Variants in RASSF2 observed in about 807,000 individuals in gnomAD.
The protein encoded by RASSF2 is Ras association domain family member 2, also known as ras association domain-containing protein 2.
Under a neutral mutation model 46.3 loss-of-function variants are expected in RASSF2, and 34 were observed. That is an observed-to-expected ratio of 0.73 (90% CI 0.56 to 0.98). The LOEUF is 0.98. Ranked by LOEUF, RASSF2 falls within the 50% of genes least tolerant of loss-of-function variation. RASSF2 has a pLI of 0.00. For missense variants in RASSF2, 364 were observed against 431.2 expected (o/e 0.84, Z 1.38); for synonymous variants, 158 against 162.5 (o/e 0.97, Z 0.21).
chr20:4,790,580 G>A lies in RASSF2; in HGVS notation c.408C>T (p.Asp136=). ...DSRGLKPLQE[D]TPQLMRTRSD... Reference sequence around the variant, plus strand: ...TGCGTGTGCGCATCAGCTGTGGGGTGTCCTCCTGCAGGGGCTTCAGGCCCC... The same window carrying A: ...TGCGTGTGCGCATCAGCTGTGGGGTATCCTCCTGCAGGGGCTTCAGGCCCC... Residue 136 remains aspartate, a synonymous_variant, in exon 7 of 12, where the codon GAC becomes GAT. Transcript: ENST00000379400. This position sits in a 1 kb window ranked among gnomAD's most constrained non-coding sequence, Gnocchi z 4.3. 6.5e-7 allele frequency: 1 copy of A among 1,532,776 alleles called. No individual in the cohort carries two copies. Among genetic ancestry groups the A allele is most frequent in the Non-Finnish European group, 8.7e-7 (1 of 1,149,812 alleles). 94.9% of individuals were successfully genotyped at this position (1,532,776 alleles called of 1,614,324 possible).
At chr20:4,796,723 T>G (rs1007508706) in intron 4 of RASSF2, among the ~76,000 whole-genome samples, 1 of 152,266 alleles carries the variant, frequency 6.6e-6, no homozygotes, top group Non-Finnish European at 1.5e-5. Context: ...GACTCGCTTA[T>G]GACTATGAAA....
chr20:4,822,775 T>C (rs1928791891), intron 1 of RASSF2, among the ~76,000 whole-genome samples: 1 of 152,158 alleles, frequency 6.6e-6, no homozygotes, highest in Non-Finnish European at 1.5e-5. Context: ...TGCGCCCCTC[T>C]GAAGCGCGCC....
In RASSF2 at chr20:4,801,020, C is replaced by T. The variant is rs1926822325; in HGVS notation, c.11G>A (p.Ser4Asn). Reference sequence around the variant, plus strand: ...ACATGGGACTAGGGACGTTTGGTGGCTGTAGTCCATTCTTCCTTTCTCTTT... The same window carrying T: ...ACATGGGACTAGGGACGTTTGGTGGTTGTAGTCCATTCTTCCTTTCTCTTT... The part of the protein sequence containing the change: MDY[S>N]HQTSLVPCGQ... Residue 4 changes from serine to asparagine, a missense_variant, in exon 3 of 12, where the codon AGC becomes AAC. Coordinates refer to ENST00000379400, the MANE Select transcript of RASSF2 (RefSeq NM_014737.3). The T allele has an allele frequency of 6.2e-7, 1 of 1,613,946 alleles. No homozygotes were observed. The highest frequency in any genetic ancestry group is 8.5e-7 in the Non-Finnish European group (1 of 1,179,758).
intron 2 of RASSF2, among the ~76,000 whole-genome samples, chr20:4,805,024 C>CGA: frequency 6.6e-6 from 1 of 152,058 alleles, no homozygotes. Flanking sequence ...CGGAGCTGTG[C>CGA]GAGATGGGGT....
intron 2 of RASSF2, among the ~76,000 whole-genome samples, chr20:4,816,693 G>C (rs972436330): frequency 6.6e-6 from 1 of 152,048 alleles, no homozygotes; most frequent in Non-Finnish European, 1.5e-5. Flanking sequence ...TCGAAATCTC[G>C]CAAACCTCCA....
intron 6 of RASSF2, among the ~76,000 whole-genome samples, chr20:4,791,729 G>A (rs530298251): frequency 2.6e-5 from 4 of 152,296 alleles, no homozygotes; most frequent in Admixed American, 1.3e-4. Flanking sequence ...GTATAAGGCC[G>A]CCGACTGCAA....
At position 4,784,228 on chromosome 20, in the gene RASSF2, G is replaced by T. The variant is rs757197801; in HGVS notation, c.*45C>A. ...GCCTAGCTTCCTGGGGGTCTTATGGGCAATGGCGGTTCCTGGGGTGCCCAG... is the reference window on the plus strand; with the variant it reads ...GCCTAGCTTCCTGGGGGTCTTATGGTCAATGGCGGTTCCTGGGGTGCCCAG... On this transcript the variant is annotated 3_prime_UTR_variant, in exon 12 of 12. Coordinates refer to ENST00000379400, the MANE Select transcript of RASSF2 (RefSeq NM_014737.3). The T allele has an allele frequency of 6.4e-7, 1 of 1,556,340 alleles. No individual in the cohort carries two copies. Among genetic ancestry groups the T allele is most frequent in the South Asian group, 1.1e-5 (1 of 89,914 alleles).
At chr20:4,804,015 G>T (rs917813923) in intron 2 of RASSF2, among the ~76,000 whole-genome samples, 14 of 148,654 alleles carry the variant, frequency 9.4e-5, no homozygotes, top group African/African-American at 3.5e-4. Flanking sequence ...CCACAATCAC[G>T]CCACTGCACT....
chr20:4,792,015 C>T (rs962475379), intron 6 of RASSF2, among the ~76,000 whole-genome samples: 95 of 152,044 alleles, frequency 6.2e-4, no homozygotes, highest in African/African-American at 1.8e-3. Flanking sequence ...TTTTGGGAGG[C>T]TGAGGCGGGC....
At chr20:4,787,803 T>G in intron 9 of RASSF2, 49 bp from the exon 10 acceptor site, 4 of 1,598,028 alleles carry the variant, frequency 2.5e-6, no homozygotes, top group Non-Finnish European at 3.4e-6. Flanking sequence ...TTTCTCACAT[T>G]AAGTAGTGGT....
intron 5 of RASSF2, among the ~76,000 whole-genome samples, chr20:4,794,452 C>A (rs1482970855): frequency 6.6e-6 from 1 of 151,990 alleles, no homozygotes; most frequent in Non-Finnish European, 1.5e-5. Flanking sequence ...ACCTGTAATC[C>A]CAGCTACTCA....
intron 2 of RASSF2, among the ~76,000 whole-genome samples, chr20:4,811,249 G>GTGCAC (rs1555792683): frequency 6.6e-6 from 1 of 151,374 alleles, no homozygotes; most frequent in Non-Finnish European, 1.5e-5. Context: ...TACTCAGGAG[G>GTGCAC]CTGAGATAGG....
intron 3 of RASSF2, 144 bp from the exon 4 acceptor site, chr20:4,798,229 C>G: frequency 7.5e-7 from 1 of 1,341,598 alleles, no homozygotes; most frequent in Non-Finnish European, 1.0e-6. Context: ...CACACATGCA[C>G]ATGCACACAG....
intron 4 of RASSF2, 89 bp from the exon 5 acceptor site, chr20:4,796,055 A>C: frequency 2.9e-6 from 4 of 1,386,716 alleles, no homozygotes; most frequent in Non-Finnish European, 3.8e-6. Flanking sequence ...CATTCTTCAC[A>C]TGTCCTGGCT....
chr20:4,784,618 TA>T (rs1260972237), intron 11 of RASSF2, among the ~76,000 whole-genome samples: 1 of 102,478 alleles, frequency 9.8e-6, no homozygotes, highest in Non-Finnish European at 2.1e-5. Context: ...AAAAAAAAGG[TA>T]AAAAAAAACA....
At chr20:4,813,674 G>A (rs1370033764) in intron 2 of RASSF2, among the ~76,000 whole-genome samples, 1 of 152,202 alleles carries the variant, frequency 6.6e-6, no homozygotes, top group Non-Finnish European at 1.5e-5. Context: ...GCGCTGGAGC[G>A]GGACGAAAAA....
chr20:4,797,939 C>A, intron 4 of RASSF2, 71 bp downstream of exon 4: 2 of 1,595,434 alleles, frequency 1.3e-6, no homozygotes, highest in South Asian at 1.1e-5. Flanking sequence ...ACCTCAGGGA[C>A]CTTCAGACCC....
intron 5 of RASSF2, among the ~76,000 whole-genome samples, chr20:4,794,896 C>T (rs1926206345): frequency 6.6e-6 from 1 of 152,180 alleles, no homozygotes; most frequent in Admixed American, 6.5e-5. Context: ...GTAGGTTTCT[C>T]TCAATTGTAG....
At chr20:4,822,302 T>C (rs1011231485) in intron 2 of RASSF2, 27 bp downstream of exon 2, 2 of 152,364 alleles carry the variant, frequency 1.3e-5, no homozygotes, top group South Asian at 2.1e-4. Context: ...GGTTCATACA[T>C]TCATTCATCA....
Sources: allele counts gnomAD v4.1 joint callset (sites outside exome capture counted in the v4.1 genomes callset), GRCh38; gene constraint gnomAD v4.1.1; non-coding constraint Gnocchi (gnomAD v3.1); transcripts MANE v1.5; gene names NCBI Gene and HGNC (gene_info 2026-07-23, HGNC 2026-07-21).